Variants in PRCC observed in about 807,000 individuals in gnomAD.
PRCC encodes proline rich mitotic checkpoint control factor.
In PRCC, 10 loss-of-function variants were observed where a neutral mutation model predicts 44.0. The ratio of observed to expected loss-of-function variants is 0.23; its 90% CI spans 0.14 to 0.39. The LOEUF is 0.39. Ranked by LOEUF, PRCC falls within the 10% of genes least tolerant of loss-of-function variation. The pLI, the probability that PRCC is intolerant of heterozygous loss-of-function variation, is 1.00. For missense variants in PRCC, 573 were observed against 624.7 expected (o/e 0.92, Z 0.88); for synonymous variants, 278 against 259.5 (o/e 1.07, Z -0.69).
At chr1:156,780,219 G>A (rs971574631) in intron 1 of PRCC, among the ~76,000 whole-genome samples, 12 of 151,464 alleles carry the variant, frequency 7.9e-5, no homozygotes, top group South Asian at 2.1e-4. Context: ...CACCACACCC[G>A]GCTAATCTTT....
At chr1:156,768,326 C>A in intron 1 of PRCC, 87 bp downstream of exon 1, 1 of 1,316,356 alleles carries the variant, frequency 7.6e-7, no homozygotes. Flanking sequence ...AGAACTCCTT[C>A]CTACAAACGC....
chr1:156,770,531 C>G (rs1651595962), intron 1 of PRCC, among the ~76,000 whole-genome samples: 1 of 152,242 alleles, frequency 6.6e-6, no homozygotes, highest in South Asian at 2.1e-4. Flanking sequence ...TGTGCCACCA[C>G]GCCCAGCTAA....
intron 1 of PRCC, among the ~76,000 whole-genome samples, chr1:156,781,834 G>T (rs115028503): frequency 0.019 from 2,820 of 152,322 alleles, 83 homozygotes; most frequent in South Asian, 0.13. Flanking sequence ...CCAGCCTTGT[G>T]GTTATGTAGT....
chr1:156,791,235 G>A (rs938484209), intron 3 of PRCC: 5 of 1,120,516 alleles, frequency 4.5e-6, no homozygotes, highest in Non-Finnish European at 6.3e-6. Context: ...GGTTTAGACT[G>A]TTTCCCTGTA....
chr1:156,797,249 TAATG>T, intron 5 of PRCC, 23 bp from the exon 6 acceptor site: 1 of 1,614,022 alleles, frequency 6.2e-7, no homozygotes, highest in Non-Finnish European at 8.5e-7. Context: ...TCCTGTGGAT[TAATG>T]AATATGTTTT....
chr1:156,791,512 C>A (rs1652471496), intron 3 of PRCC, 185 bp from the exon 4 acceptor site: 4 of 593,306 alleles, frequency 6.7e-6, no homozygotes, highest in Non-Finnish European at 8.9e-6. Context: ...GCTGTAGGGA[C>A]TGTTCTTGAG....
chr1:156,785,042 A>G (rs10082156), intron 2 of PRCC, among the ~76,000 whole-genome samples: 5,942 of 152,250 alleles, frequency 0.039, 146 homozygotes, highest in Middle Eastern at 0.061. Context: ...CTGGCTGACA[A>G]AACTACCTCT....
chr1:156,769,391 C>G (rs1165352819), intron 1 of PRCC, among the ~76,000 whole-genome samples: 1 of 152,086 alleles, frequency 6.6e-6, no homozygotes, highest in Non-Finnish European at 1.5e-5. Context: ...TGTCCTCCCA[C>G]TAGTATATAA....
At chr1:156,771,161 C>T (rs2102751539) in intron 1 of PRCC, among the ~76,000 whole-genome samples, 1 of 152,180 alleles carries the variant, frequency 6.6e-6, no homozygotes, top group African/African-American at 2.4e-5. Context: ...TGTATAAAAG[C>T]TTGGAGGACA....
chr1:156,774,549 C>T (rs1340232850), intron 1 of PRCC, among the ~76,000 whole-genome samples: 10 of 151,870 alleles, frequency 6.6e-5, no homozygotes, highest in Non-Finnish European at 1.0e-4. Flanking sequence ...TGTTGTGTCT[C>T]GATTATGGCT....
chr1:156,767,679 CGCCAGGTG>C lies in PRCC; in HGVS notation c.-90_-83del. On this transcript the variant is annotated 5_prime_UTR_variant, in exon 1 of 7. Transcript: ENST00000271526. ...AGGCGGACTTTTCGGTTCCCCGCCC[CGCCAGGTG>C]GCGGGGCCTACTAGGCCTCCGGGCA... The C allele has an allele frequency of 7.5e-7, 1 of 1,339,302 alleles. No homozygotes were observed. The highest frequency in any genetic ancestry group is 1.5e-5 in the South Asian group (1 of 65,626). The allele number at this position is 1,339,302 out of a possible 1,614,324, so 83.0% of individuals were successfully genotyped here.
chr1:156,769,562 C>G (rs1216125518), intron 1 of PRCC, among the ~76,000 whole-genome samples: 1 of 151,980 alleles, frequency 6.6e-6, no homozygotes, highest in Non-Finnish European at 1.5e-5. Context: ...CCCTCCCAAT[C>G]TTGTTTGAAA....
chr1:156,791,225 G>T (rs932963551), intron 3 of PRCC: 2 of 1,171,946 alleles, frequency 1.7e-6, no homozygotes, highest in African/African-American at 1.5e-5. Flanking sequence ...CTCCCCACCC[G>T]GTTTAGACTG....
chr1:156,789,020 A>C (rs1489411989), intron 3 of PRCC, among the ~76,000 whole-genome samples: 1 of 151,998 alleles, frequency 6.6e-6, no homozygotes, highest in East Asian at 1.9e-4. Context: ...CCCAGGCTGT[A>C]GTGCAGTGGT....
At chr1:156,794,021 G>A (rs1296989740) in intron 4 of PRCC, among the ~76,000 whole-genome samples, 3 of 142,286 alleles carry the variant, frequency 2.1e-5, no homozygotes, top group African/African-American at 7.9e-5. Flanking sequence ...GCAATGGTGC[G>A]ATCTCGGCTC....
At chr1:156,768,364 C>T in intron 1 of PRCC, 125 bp downstream of exon 1, 1 of 1,044,376 alleles carries the variant, frequency 9.6e-7, no homozygotes. Flanking sequence ...CACTGGAATC[C>T]TCTTATAATG....
intron 1 of PRCC, among the ~76,000 whole-genome samples, chr1:156,774,275 A>C (rs965081811): frequency 3.6e-5 from 5 of 139,998 alleles, no homozygotes; most frequent in African/African-American, 1.3e-4. Flanking sequence ...TCCCGGGTTC[A>C]AGCAATTCTC....
chr1:156,767,673 C>T lies in PRCC; in HGVS notation c.-99C>T. The T allele has an allele frequency of 2.3e-6, 3 of 1,301,378 alleles. No homozygotes were observed. Among genetic ancestry groups the T allele is most frequent in the South Asian group, 1.5e-5 (1 of 64,778 alleles). 80.6% of individuals were successfully genotyped at this position (1,301,378 alleles called of 1,614,324 possible). On this transcript the variant is annotated 5_prime_UTR_variant, in exon 1 of 7. Transcript: ENST00000271526. Reference sequence around the variant, plus strand: ...CGGAGCAGGCGGACTTTTCGGTTCCCCGCCCCGCCAGGTGGCGGGGCCTAC... The same window carrying T: ...CGGAGCAGGCGGACTTTTCGGTTCCTCGCCCCGCCAGGTGGCGGGGCCTAC...
At chr1:156,772,614 A>G (rs79123671) in intron 1 of PRCC, among the ~76,000 whole-genome samples, 2 of 152,232 alleles carry the variant, frequency 1.3e-5, no homozygotes, top group East Asian at 1.9e-4. Context: ...ATTCCAAAGC[A>G]CACAGAAATT....
Sources: allele counts gnomAD v4.1 joint callset (sites outside exome capture counted in the v4.1 genomes callset), GRCh38; gene constraint gnomAD v4.1.1; transcripts MANE v1.5; gene names NCBI Gene and HGNC (gene_info 2026-07-23, HGNC 2026-07-21).